UMAD1: variants seen among roughly 807,000 people sequenced by gnomAD.
The protein encoded by UMAD1 is UBAP1-MVB12-associated (UMA) domain containing 1, also known as UBAP1-MVB12-associated (UMA)-domain containing protein 1.
A neutral mutation model predicts 6.1 loss-of-function variants in UMAD1; 8 were observed. The ratio of observed to expected loss-of-function variants is 1.30; its 90% confidence interval spans 0.76 to 2.35. The LOEUF (loss-of-function observed/expected upper bound fraction) is 2.35, where lower values mean the gene tolerates loss of function less well. UMAD1 is among the 30% of genes most tolerant of loss of function. The pLI, the probability that UMAD1 is intolerant of heterozygous loss-of-function variation, is 0.00. For missense variants in UMAD1, 130 were observed against 78.4 expected, an observed-to-expected ratio of 1.66 and a Z score of -2.49; for synonymous variants, 56 against 31.4, an observed-to-expected ratio of 1.78 and a Z score of -2.61.
intron 2 of UMAD1, among the ~76,000 whole-genome samples, chr7:7,701,548 T>C (rs573549347): frequency 6.6e-5 from 10 of 152,196 alleles, no homozygotes; most frequent in Non-Finnish European, 1.2e-4. Flanking sequence ...TATGAAGTAG[T>C]ATTTTTCTGA....
At chr7:7,871,768 T>C (rs1319400746) in intron 3 of UMAD1, among the ~76,000 whole-genome samples, 1 of 152,064 alleles carries the variant, frequency 6.6e-6, no homozygotes, top group African/African-American at 2.4e-5. Context: ...CATGTCCCAA[T>C]TTTTTTACTG....
At chr7:7,834,989 T>C (rs1437229591) in intron 3 of UMAD1, among the ~76,000 whole-genome samples, 1 of 152,014 alleles carries the variant, frequency 6.6e-6, no homozygotes, top group Non-Finnish European at 1.5e-5. Flanking sequence ...AAAAATCAGA[T>C]CTCTTGAGAA....
intron 2 of UMAD1, among the ~76,000 whole-genome samples, chr7:7,691,921 A>G (rs1780181564): frequency 6.6e-6 from 1 of 152,204 alleles, no homozygotes; most frequent in African/African-American, 2.4e-5. Context: ...TTGTATTAAA[A>G]TACTCATGCA....
intron 2 of UMAD1, among the ~76,000 whole-genome samples, chr7:7,762,695 G>A (rs527319371): frequency 2.6e-5 from 4 of 152,282 alleles, no homozygotes; most frequent in South Asian, 4.1e-4. Context: ...ACAGAGACAG[G>A]ATTCCCTGTC....
chr7:7,654,826 CCTGGAGG>C (rs1785303963), intron 1 of UMAD1, among the ~76,000 whole-genome samples: 1 of 151,506 alleles, frequency 6.6e-6, no homozygotes, highest in East Asian at 1.9e-4. Flanking sequence ...ATCGCTTGAA[CCTGGAGG>C]CAGAGATTGC....
At chr7:7,785,688 C>T (rs1782449041) in intron 2 of UMAD1, among the ~76,000 whole-genome samples, 1 of 152,148 alleles carries the variant, frequency 6.6e-6, no homozygotes. Flanking sequence ...GAGTCAGTGG[C>T]TTTAGAAAGC....
chr7:7,853,489 A>G (rs748834138), intron 3 of UMAD1, among the ~76,000 whole-genome samples: 1 of 151,066 alleles, frequency 6.6e-6, no homozygotes, highest in Non-Finnish European at 1.5e-5. Flanking sequence ...ATTTTTTTCT[A>G]TTATCCTTTG....
chr7:7,695,872 A>G (rs1382733890), intron 2 of UMAD1, among the ~76,000 whole-genome samples: 1 of 152,168 alleles, frequency 6.6e-6, no homozygotes, highest in African/African-American at 2.4e-5. Context: ...CATCTTATGC[A>G]CTAATGGTTG....
At chr7:7,697,097 A>G (rs1006644636) in intron 2 of UMAD1, among the ~76,000 whole-genome samples, 1 of 152,178 alleles carries the variant, frequency 6.6e-6, no homozygotes, top group African/African-American at 2.4e-5. Flanking sequence ...CAGTCAGGAT[A>G]AGTCAGATTG....
At chr7:7,743,173 A>G (rs962456490) in intron 2 of UMAD1, among the ~76,000 whole-genome samples, 5 of 152,222 alleles carry the variant, frequency 3.3e-5, no homozygotes, top group African/African-American at 9.6e-5. Context: ...CTGGTGGTGC[A>G]GGATGAAATT....
At chr7:7,779,754 C>T (rs548415770) in intron 2 of UMAD1, among the ~76,000 whole-genome samples, 1 of 152,290 alleles carries the variant, frequency 6.6e-6, no homozygotes, top group Non-Finnish European at 1.5e-5. Context: ...AAGGGATCTT[C>T]CCACCTCAGC....
At chr7:7,801,960 AAAAAC>A (rs888123135) in intron 3 of UMAD1, among the ~76,000 whole-genome samples, 67 of 152,384 alleles carry the variant, frequency 4.4e-4, no homozygotes, top group African/African-American at 1.5e-3. Flanking sequence ...ACTTTCTGTT[AAAAAC>A]AAAACAAAAC....
chr7:7,667,998 C>T (rs28916010), intron 1 of UMAD1, among the ~76,000 whole-genome samples: 8,878 of 151,908 alleles, frequency 0.058, 338 homozygotes, highest in Middle Eastern at 0.13. Context: ...CTCACTTTCA[C>T]CCCCGCCTTC....
At chr7:7,693,450 G>A (rs1780229521) in intron 2 of UMAD1, among the ~76,000 whole-genome samples, 1 of 152,096 alleles carries the variant, frequency 6.6e-6, no homozygotes, top group African/African-American at 2.4e-5. Context: ...GGGAAAAGAT[G>A]TTTTGGGGGA....
At chr7:7,684,077 T>C (rs1022233586) in intron 2 of UMAD1, among the ~76,000 whole-genome samples, 2 of 152,220 alleles carry the variant, frequency 1.3e-5, no homozygotes, top group Non-Finnish European at 2.9e-5. Flanking sequence ...TCCTCCCATA[T>C]ACTTTAAATC....
chr7:7,726,704 G>A (rs776748721), intron 2 of UMAD1, among the ~76,000 whole-genome samples: 21 of 152,158 alleles, frequency 1.4e-4, no homozygotes, highest in Non-Finnish European at 2.8e-4. Flanking sequence ...TCCAGATAGA[G>A]ATGTTAGTTC....
chr7:7,642,482 TTA>T (rs1240049472), intron 1 of UMAD1, among the ~76,000 whole-genome samples: 3 of 137,148 alleles, frequency 2.2e-5, no homozygotes, highest in Admixed American at 7.3e-5. Context: ...TTTTTTTTTT[TTA>T]AAGAGCACTC....
intron 2 of UMAD1, among the ~76,000 whole-genome samples, chr7:7,782,674 A>T (rs550965711): frequency 1.3e-5 from 2 of 150,814 alleles, no homozygotes; most frequent in African/African-American, 4.9e-5. Flanking sequence ...AATCCACGTT[A>T]TTGACCGTCT....
intron 1 of UMAD1, among the ~76,000 whole-genome samples, chr7:7,662,003 T>A (rs1410367894): frequency 3.9e-5 from 6 of 152,172 alleles, no homozygotes; most frequent in Non-Finnish European, 8.8e-5. Flanking sequence ...AGAGATGCCC[T>A]ACACAGAGAG....
Sources: gnomAD v4.1 joint callset for allele counts (sites outside exome capture counted in the v4.1 genomes callset) on GRCh38, gnomAD v4.1.1 for gene constraint, MANE v1.5 for transcripts, NCBI Gene and HGNC (gene_info 2026-07-23, HGNC 2026-07-21) for gene names.